TRAF3: variants seen among roughly 807,000 people sequenced by gnomAD.
The protein encoded by TRAF3 is TNF receptor-associated factor 3.
TRAF3 carries 13 observed loss-of-function variants against 62.3 expected under a neutral mutation model. The observed-to-expected ratio is 0.21, with a 90% confidence interval of 0.14 to 0.33. The LOEUF (loss-of-function observed/expected upper bound fraction) is 0.33, where lower values mean the gene tolerates loss of function less well. Among genes scored for constraint, TRAF3 ranks in the 10% least tolerant of loss-of-function variants. The pLI is 1.00. For missense variants in TRAF3, 440 were observed against 741.8 expected, an observed-to-expected ratio of 0.59 and a Z score of 4.73; for synonymous variants, 269 against 283.4, an observed-to-expected ratio of 0.95 and a Z score of 0.51.
intron 1 of TRAF3, among the ~76,000 whole-genome samples, chr14:102,793,374 C>T (rs553437523): frequency 9.9e-5 from 15 of 151,834 alleles, no homozygotes; most frequent in East Asian, 5.8e-4. Context: ...GGCTGGTCTT[C>T]GACTCCAGGC....
At chr14:102,815,180 TCTC>T (rs1899440679) in intron 1 of TRAF3, among the ~76,000 whole-genome samples, 1 of 152,102 alleles carries the variant, frequency 6.6e-6, no homozygotes, top group South Asian at 2.1e-4. Context: ...CTCAAGCAGT[TCTC>T]CTGCTTCAGC....
At chr14:102,853,212 T>C (rs557823786) in intron 2 of TRAF3, among the ~76,000 whole-genome samples, 1 of 152,188 alleles carries the variant, frequency 6.6e-6, no homozygotes, top group African/African-American at 2.4e-5. Flanking sequence ...TTATTTTTTT[T>C]TAGAGGCTGA....
chr14:102,860,227 TTA>T (rs1887604017), intron 2 of TRAF3, among the ~76,000 whole-genome samples: 1 of 152,212 alleles, frequency 6.6e-6, no homozygotes, highest in Admixed American at 6.5e-5. Flanking sequence ...TCCTACCTAG[TTA>T]TATTACACAC....
At chr14:102,834,711 ATTGGACCCCTTCCCTACACCATGCAC>A in intron 2 of TRAF3, among the ~76,000 whole-genome samples, 8 of 151,306 alleles carry the variant, frequency 5.3e-5, no homozygotes, top group African/African-American at 1.5e-4. Context: ...AAAAAAAGAA[ATTGGACCCCTTCCCTACACCATGCAC>A]AAAAATCAAC....
intron 1 of TRAF3, among the ~76,000 whole-genome samples, chr14:102,829,017 G>A (rs796719884): frequency 2.0e-5 from 3 of 152,334 alleles, no homozygotes; most frequent in African/African-American, 7.2e-5. Context: ...ATTTTCAGAT[G>A]TGTGGAGCTC....
chr14:102,843,473 G>C, intron 2 of TRAF3, among the ~76,000 whole-genome samples: 1 of 151,936 alleles, frequency 6.6e-6, no homozygotes, highest in Non-Finnish European at 1.5e-5. Flanking sequence ...TAGTAGCTGG[G>C]ACTATAAGCG....
intron 2 of TRAF3, among the ~76,000 whole-genome samples, chr14:102,839,900 C>T (rs1040256665): frequency 2.0e-5 from 3 of 152,134 alleles, no homozygotes; most frequent in Non-Finnish European, 2.9e-5. Flanking sequence ...TGTTTCACAT[C>T]GAAGTAATCT....
intron 2 of TRAF3, among the ~76,000 whole-genome samples, chr14:102,854,840 T>C (rs1260916231): frequency 6.6e-6 from 1 of 151,296 alleles, no homozygotes; most frequent in Non-Finnish European, 1.5e-5. Flanking sequence ...TTAAAATAAA[T>C]TGTGGTGAGA....
chr14:102,855,435 C>T (rs963884043), intron 2 of TRAF3, among the ~76,000 whole-genome samples: 3 of 152,046 alleles, frequency 2.0e-5, no homozygotes, highest in African/African-American at 7.2e-5. Context: ...AACCATTTTG[C>T]GTTTCCACAG....
intron 2 of TRAF3, among the ~76,000 whole-genome samples, chr14:102,841,312 C>T (rs538311952): frequency 6.6e-6 from 1 of 152,312 alleles, no homozygotes; most frequent in African/African-American, 2.4e-5. Context: ...TCCTGGTCTG[C>T]ACGTGGCCAA....
chr14:102,858,676 G>A (rs1158280801), intron 2 of TRAF3, among the ~76,000 whole-genome samples: 1 of 152,118 alleles, frequency 6.6e-6, no homozygotes, highest in African/African-American at 2.4e-5. Context: ...CATAATAATT[G>A]TAATTATTAG....
At chr14:102,831,354 T>G (rs999060900) in intron 2 of TRAF3, among the ~76,000 whole-genome samples, 3 of 152,230 alleles carry the variant, frequency 2.0e-5, no homozygotes, top group Non-Finnish European at 4.4e-5. Context: ...ACAAGGTGAC[T>G]TCTGTTTTCT....
At chr14:102,843,622 G>T (rs1340924243) in intron 2 of TRAF3, among the ~76,000 whole-genome samples, 1 of 152,158 alleles carries the variant, frequency 6.6e-6, no homozygotes, top group Non-Finnish European at 1.5e-5. Flanking sequence ...ACAGGCGTGA[G>T]ACACTGCACT....
chr14:102,840,074 C>T (rs1260705771), intron 2 of TRAF3, among the ~76,000 whole-genome samples: 2 of 152,010 alleles, frequency 1.3e-5, no homozygotes, highest in African/African-American at 4.8e-5. Flanking sequence ...CCCCCCAACC[C>T]AGGACTAGGG....
At chr14:102,886,334 TC>T (rs1296359850) in intron 7 of TRAF3, 65 bp downstream of exon 7, 1 of 1,396,978 alleles carries the variant, frequency 7.2e-7, no homozygotes, top group African/African-American at 1.4e-5. Context: ...TGGCTCCCCT[TC>T]CCTGCATAGC....
In TRAF3 at chr14:102,909,700, G is replaced by A. The variant is rs1379451266; in HGVS notation, c.*3916G>A. On this transcript the variant is annotated 3_prime_UTR_variant, in exon 12 of 12. Transcript: ENST00000392745. ...GACCCCGTGTGGCCCAGCTCGGTGA[G>A]GATGCAGTTCTAGGCACAGCCCCTG... is the stretch of plus-strand genomic sequence containing the variant. 1 of 152,374 alleles carries A rather than the reference G, an allele frequency of 6.6e-6. No homozygotes were observed. Among genetic ancestry groups the A allele is most frequent in the African/African-American group, 2.4e-5 (1 of 41,470 alleles). 9.4% of individuals were successfully genotyped at this position (152,374 alleles called of 1,614,324 possible).
At chr14:102,889,757 C>G (rs1889604991) in intron 8 of TRAF3, 123 bp downstream of exon 8, 1 of 1,233,454 alleles carries the variant, frequency 8.1e-7, no homozygotes, top group Admixed American at 1.8e-5. Context: ...CTGAAACACC[C>G]TGTTGCATGG....
At chr14:102,865,488 T>A (rs1484895346) in intron 2 of TRAF3, among the ~76,000 whole-genome samples, 1 of 151,780 alleles carries the variant, frequency 6.6e-6, no homozygotes, top group African/African-American at 2.4e-5. Flanking sequence ...CACTCATAAG[T>A]TAATCTGAAT....
At chr14:102,834,350 CT>C (rs1363582089) in intron 2 of TRAF3, among the ~76,000 whole-genome samples, 1 of 152,122 alleles carries the variant, frequency 6.6e-6, no homozygotes, top group Non-Finnish European at 1.5e-5. Flanking sequence ...AAAGGACTCC[CT>C]ATTCAATCAG....
Sources: allele counts gnomAD v4.1 joint callset (sites outside exome capture counted in the v4.1 genomes callset), GRCh38; gene constraint gnomAD v4.1.1; transcripts MANE v1.5; gene names NCBI Gene and HGNC (gene_info 2026-07-23, HGNC 2026-07-21).